HPSE2: variants seen among roughly 807,000 people sequenced by gnomAD.
HPSE2 encodes inactive heparanase-2.
In HPSE2, 38 loss-of-function variants were observed where a neutral mutation model predicts 60.5. The observed-to-expected ratio is 0.63, with a 90% CI of 0.48 to 0.82. HPSE2 has a LOEUF of 0.82. Among genes scored for constraint, HPSE2 ranks in the 40% least tolerant of loss-of-function variants. HPSE2 has a pLI of 0.00. For synonymous variants in HPSE2, 295 were observed against 293.2 expected, an observed-to-expected ratio of 1.01 and a Z score of -0.06; for missense variants, 713 against 740.4, an observed-to-expected ratio of 0.96 and a Z score of 0.43.
chr10:98,960,444 T>C lies in HPSE2; in HGVS notation c.610+183794A>G, dbSNP rs146066326. Among the ~76,000 whole-genome samples, 1,518 of 152,260 alleles carry C rather than the reference T, an allele frequency of 1.0e-2. 25 individuals carry two copies. The highest frequency in any genetic ancestry group is 0.034 in the African/African-American group (1,401 of 41,570). On this transcript the variant is annotated intron_variant, in intron 3 of 11. Transcript: ENST00000370552. The stretch of plus-strand genomic sequence containing the variant: ...AAAGTTTACTTTCTAAATTCATTTA[T>C]TTACATTATTCGAGTTAAAAAGATT...
At chr10:98,750,358 T>G (rs1184535364) in intron 3 of HPSE2, among the ~76,000 whole-genome samples, 1 of 152,074 alleles carries the variant, frequency 6.6e-6, no homozygotes, top group Non-Finnish European at 1.5e-5. Context: ...TACTGGTCAT[T>G]ATAAGAACTT....
intron 2 of HPSE2, among the ~76,000 whole-genome samples, chr10:99,202,161 TAG>T: frequency 6.6e-6 from 1 of 152,324 alleles, no homozygotes; most frequent in East Asian, 1.9e-4. Context: ...GATATAGAGA[TAG>T]AGATATCAGT....
chr10:99,125,718 G>T (rs1416951447), intron 3 of HPSE2, among the ~76,000 whole-genome samples: 1 of 152,178 alleles, frequency 6.6e-6, no homozygotes. Context: ...CCAGATCACA[G>T]GAGAAAGATT....
At chr10:99,229,435 A>C (rs1048190143) in intron 2 of HPSE2, among the ~76,000 whole-genome samples, 16 of 152,212 alleles carry the variant, frequency 1.1e-4, no homozygotes. Flanking sequence ...TCCCACTTTA[A>C]AACATTAAAT....
intron 4 of HPSE2, among the ~76,000 whole-genome samples, chr10:98,730,023 A>G (rs1949189266): frequency 6.6e-6 from 1 of 152,090 alleles, no homozygotes; most frequent in African/African-American, 2.4e-5. Context: ...AGAATATTCC[A>G]CCCAACAACA....
chr10:98,590,550 A>G (rs983863146), intron 9 of HPSE2, among the ~76,000 whole-genome samples: 18 of 152,184 alleles, frequency 1.2e-4, no homozygotes, highest in African/African-American at 4.1e-4. Context: ...GTGGCTGAGA[A>G]AAGAGTTTTG....
chr10:99,217,873 A>C (rs565612711), intron 2 of HPSE2, among the ~76,000 whole-genome samples: 134 of 152,186 alleles, frequency 8.8e-4, no homozygotes, highest in Non-Finnish European at 1.3e-3. Flanking sequence ...GATGTGAGCC[A>C]CTGTGCCTGC....
At chr10:98,663,075 A>G (rs1947267211) in intron 6 of HPSE2, among the ~76,000 whole-genome samples, 1 of 152,208 alleles carries the variant, frequency 6.6e-6, no homozygotes, top group Non-Finnish European at 1.5e-5. Flanking sequence ...GAACACACAT[A>G]AGGGCAGGGG....
At chr10:98,530,371 C>A (rs1202629631) in intron 9 of HPSE2, among the ~76,000 whole-genome samples, 6 of 152,174 alleles carry the variant, frequency 3.9e-5, no homozygotes, top group African/African-American at 1.4e-4. Context: ...TGAGCCCCAT[C>A]CCCAGAGATT....
chr10:98,569,629 A>C (rs913072487), intron 9 of HPSE2, among the ~76,000 whole-genome samples: 2 of 152,144 alleles, frequency 1.3e-5, no homozygotes, highest in Non-Finnish European at 2.9e-5. Context: ...GATTTATCCC[A>C]TGAAGCCTTT....
At position 99,177,641 on chromosome 10, in the gene HPSE2, A is replaced by G. The variant is rs893432661; in HGVS notation, c.449-33242T>C. On this transcript the variant is annotated intron_variant, in intron 2 of 11. Coordinates refer to ENST00000370552, the MANE Select transcript of HPSE2 (RefSeq NM_021828.5). ...ATAAAGCAAGTTCTTAGAGACCTGTAAAGAGACTTGGACTCCCACATGATA... is the reference window on the plus strand; with the variant it reads ...ATAAAGCAAGTTCTTAGAGACCTGTGAAGAGACTTGGACTCCCACATGATA... 6.6e-5 allele frequency among the ~76,000 whole-genome samples: 10 copies of G among 152,158 alleles called. No homozygotes were observed. In the East Asian group the frequency reaches 1.7e-3, roughly 26 times the overall value.
Position 98,984,492 on chromosome 10 carries a change from A to T in HPSE2, c.610+159746T>A, listed in dbSNP as rs532731250. 2.6e-5 allele frequency among the ~76,000 whole-genome samples: 4 copies of T among 152,348 alleles called. No homozygotes were observed. The South Asian group carries it at 8.3e-4, about 32-fold the overall frequency. On this transcript the variant is annotated intron_variant, in intron 3 of 11. Coordinates refer to ENST00000370552, the MANE Select transcript of HPSE2 (RefSeq NM_021828.5). ...ACATCCACACCAAAACCCCATCTGT[A>T]CGTCACCATCATCAAAGACTAAAGG...
At chr10:98,831,027 A>G (rs908342590) in intron 3 of HPSE2, among the ~76,000 whole-genome samples, 3 of 152,206 alleles carry the variant, frequency 2.0e-5, no homozygotes, top group Non-Finnish European at 4.4e-5. Context: ...AGATGTTAAC[A>G]TCTAGATTGT....
intron 10 of HPSE2, among the ~76,000 whole-genome samples, chr10:98,483,063 G>A (rs190315488): frequency 3.3e-4 from 50 of 152,122 alleles, no homozygotes; most frequent in African/African-American, 1.1e-3. Context: ...ACCATAGTAT[G>A]GAAGTAAAAC....
intron 2 of HPSE2, among the ~76,000 whole-genome samples, chr10:99,181,205 C>T (rs1847757428): frequency 6.7e-6 from 1 of 150,322 alleles, no homozygotes. Context: ...GAGACCATCC[C>T]GGCTAAAACG....
chr10:99,123,024 A>G (rs565309279), intron 3 of HPSE2, among the ~76,000 whole-genome samples: 5 of 152,258 alleles, frequency 3.3e-5, no homozygotes, highest in Admixed American at 1.3e-4. Context: ...ATACAGTGGC[A>G]AAAAATGTTT....
intron 3 of HPSE2, among the ~76,000 whole-genome samples, chr10:98,745,634 T>A (rs780855241): frequency 6.6e-6 from 1 of 152,238 alleles, no homozygotes; most frequent in Non-Finnish European, 1.5e-5. Flanking sequence ...TTATTTGTCA[T>A]GCCCTTACTG....
chr10:99,305,535 G>T, the HPSE2 span, among the ~76,000 whole-genome samples: 1 of 152,046 alleles, frequency 6.6e-6, no homozygotes, highest in Admixed American at 6.6e-5. Context: ...AAGGAAGGAA[G>T]GAAAAAACAA....
In HPSE2 at chr10:98,607,214, G is replaced by A. The variant is rs114319748; in HGVS notation, c.1320+7690C>T. ...CATTCCAGAGCTGACCTTGCTCCTC[G>A]CTGTCTGCACGTTGCTTCAAGGATG... On this transcript the variant is annotated intron_variant, in intron 9 of 11. Transcript: ENST00000370552. Among the ~76,000 whole-genome samples, 426 of 152,016 alleles carry A rather than the reference G, an allele frequency of 2.8e-3. 1 individual carries two copies. The highest frequency in any genetic ancestry group is 9.8e-3 in the African/African-American group (406 of 41,438).
Sources: gnomAD v4.1 joint callset for allele counts (sites outside exome capture counted in the v4.1 genomes callset) on GRCh38, gnomAD v4.1.1 for gene constraint, MANE v1.5 for transcripts, NCBI Gene and HGNC (gene_info 2026-07-23, HGNC 2026-07-21) for gene names.